TFCP2L1: variants seen among roughly 807,000 people sequenced by gnomAD.
TFCP2L1 encodes transcription factor CP2-like protein 1.
A neutral mutation model predicts 72.2 loss-of-function variants in TFCP2L1; 12 were observed. The ratio of observed to expected loss-of-function variants is 0.17; its 90% CI spans 0.11 to 0.27. The LOEUF (loss-of-function observed/expected upper bound fraction) is 0.27. TFCP2L1 is among the 10% of genes least tolerant of loss of function. The pLI is 1.00. For synonymous variants in TFCP2L1, 260 were observed against 251.0 expected, an observed-to-expected ratio of 1.04 and a Z score of -0.34; for missense variants, 488 against 624.6, an observed-to-expected ratio of 0.78 and a Z score of 2.33.
In TFCP2L1 at chr2:121,256,671, G is replaced by A. The variant is rs570140782; in HGVS notation, c.215-7024C>T. ...GGGCGCCTGTAGTCCCAGGTACTCG[G>A]GAAGCTGAGGCAGGAGAATTGCTTG... On this transcript the variant is annotated intron_variant, in intron 2 of 14. Coordinates refer to ENST00000263707, the MANE Select transcript of TFCP2L1 (RefSeq NM_014553.3). Among the ~76,000 whole-genome samples the A allele has an allele frequency of 1.1e-4, 17 of 152,120 alleles. No homozygotes were observed. In the South Asian group the frequency reaches 3.4e-3, roughly 30 times the overall value.
chr2:121,225,567 A>G lies in TFCP2L1; in HGVS notation c.1388T>C (p.Ile463Thr). ...QDESCFVLST[I>T]KAESNDGYHI... ...GGGGGAGGGGGAGGCTTCACCTTTAATTGTGCTGAGGACAAAACAGGATTC... is the reference window on the plus strand; with the variant it reads ...GGGGGAGGGGGAGGCTTCACCTTTAGTTGTGCTGAGGACAAAACAGGATTC... Residue 463 changes from isoleucine to threonine, a missense_variant, in exon 14 of 15, where the codon ATT becomes ACT. Around this residue, in one of 3 missense-constraint regions of TFCP2L1, gnomAD observed 286 missense variants for 329.0 expected, o/e 0.87. Coordinates refer to ENST00000263707, the MANE Select transcript of TFCP2L1 (RefSeq NM_014553.3). 1 of 1,614,100 alleles carries G rather than the reference A, an allele frequency of 6.2e-7. No homozygotes were observed. The highest frequency in any genetic ancestry group is 8.5e-7 in the Non-Finnish European group (1 of 1,180,010).
Position 121,264,024 on chromosome 2 carries a change from C to T in TFCP2L1, c.215-14377G>A, listed in dbSNP as rs940542630. On this transcript the variant is annotated intron_variant, in intron 2 of 14. Coordinates refer to ENST00000263707, the MANE Select transcript of TFCP2L1 (RefSeq NM_014553.3). ...ACAGTAAAGAGTAGAAAAACCAAATCTCCAAAGATAAGGGCAGAATCATGA... is the reference window on the plus strand; with the variant it reads ...ACAGTAAAGAGTAGAAAAACCAAATTTCCAAAGATAAGGGCAGAATCATGA... Among the ~76,000 whole-genome samples the T allele has an allele frequency of 8.7e-4, 133 of 152,328 alleles. 1 individual carries two copies. The highest frequency in any genetic ancestry group is 3.2e-3 in the African/African-American group (132 of 41,576).
At chr2:121,237,342 A>T (rs1261218924) in intron 10 of TFCP2L1, among the ~76,000 whole-genome samples, 4 of 152,170 alleles carry the variant, frequency 2.6e-5, no homozygotes, top group Non-Finnish European at 4.4e-5. Flanking sequence ...TCCTGGACAG[A>T]CCAGAGCCCA....
chr2:121,224,045 C>T lies in TFCP2L1; in HGVS notation c.*296G>A, dbSNP rs151093027. The T allele has an allele frequency of 5.9e-5, 27 of 459,456 alleles. No individual in the cohort carries two copies. Among genetic ancestry groups the T allele is most frequent in the South Asian group, 1.1e-4 (4 of 35,598 alleles). 28.5% of individuals were successfully genotyped at this position (459,456 alleles called of 1,614,324 possible). ...AAGGGATGAGGGATTTCAGAGCAGA[C>T]GTCTCCACTGTTTGCCCTTTTAGAA... On this transcript the variant is annotated 3_prime_UTR_variant, in exon 15 of 15. Coordinates refer to ENST00000263707, the MANE Select transcript of TFCP2L1 (RefSeq NM_014553.3).
At chr2:121,282,106 T>G (rs905739953) in intron 1 of TFCP2L1, among the ~76,000 whole-genome samples, 54 of 152,112 alleles carry the variant, frequency 3.6e-4, no homozygotes, top group African/African-American at 1.3e-3. Flanking sequence ...CTAATTTTTG[T>G]ATTTTTAGTA....
At chr2:121,261,879 C>A (rs1686834696) in intron 2 of TFCP2L1, among the ~76,000 whole-genome samples, 1 of 152,158 alleles carries the variant, frequency 6.6e-6, no homozygotes, top group Admixed American at 6.5e-5. Flanking sequence ...ACAGCACCAG[C>A]AAAAGACGTA....
intron 2 of TFCP2L1, among the ~76,000 whole-genome samples, chr2:121,278,600 C>T (rs187487878): frequency 7.3e-4 from 111 of 151,026 alleles, no homozygotes; most frequent in African/African-American, 2.6e-3. Flanking sequence ...GCAGGACAAT[C>T]GCTTGAACCC....
In TFCP2L1 at chr2:121,252,715, T is replaced by G. The variant is rs1008950120; in HGVS notation, c.215-3068A>C. Among the ~76,000 whole-genome samples the G allele has an allele frequency of 4.6e-5, 7 of 152,172 alleles. No homozygotes were observed. In the East Asian group the frequency reaches 1.2e-3, roughly 25 times the overall value. The stretch of plus-strand genomic sequence containing the variant: ...CCAAGATCCCCCAGGAGCATAACCC[T>G]GCCGAATTTCCGACTGCTAATCTCC... On this transcript the variant is annotated intron_variant, in intron 2 of 14. Coordinates refer to ENST00000263707, the MANE Select transcript of TFCP2L1 (RefSeq NM_014553.3).
intron 6 of TFCP2L1, among the ~76,000 whole-genome samples, chr2:121,244,466 C>T (rs567051864): frequency 1.5e-4 from 23 of 152,152 alleles, no homozygotes; most frequent in Non-Finnish European, 3.1e-4. Flanking sequence ...TCTGAGGAGC[C>T]AGTTTTGGGT....
rs576969223 is a variant in TFCP2L1 at position 121,226,876 on chromosome 2, A to T, written c.1342-1263T>A. Among the ~76,000 whole-genome samples the T allele has an allele frequency of 5.9e-5, 9 of 152,320 alleles. No homozygotes were observed. The South Asian group carries it at 1.9e-3, about 32-fold the overall frequency. On this transcript the variant is annotated intron_variant, in intron 13 of 14. Coordinates refer to ENST00000263707, the MANE Select transcript of TFCP2L1 (RefSeq NM_014553.3). ...ATTTCCAACAAGGAAATTTTCCTAC[A>T]TTCTCCTACAAGTCATGAGCCCTGG...
intron 2 of TFCP2L1, among the ~76,000 whole-genome samples, chr2:121,271,979 C>G (rs115784175): frequency 6.6e-6 from 1 of 152,122 alleles, no homozygotes; most frequent in Non-Finnish European, 1.5e-5. Flanking sequence ...TTCCTTCCCC[C>G]CACAAAGCTT....
intron 2 of TFCP2L1, among the ~76,000 whole-genome samples, chr2:121,260,472 C>T (rs1686810256): frequency 6.6e-6 from 1 of 152,212 alleles, no homozygotes; most frequent in African/African-American, 2.4e-5. Context: ...AGCCAAATAA[C>T]AGGTATCGTA....
At chr2:121,270,430 C>G (rs559935979) in intron 2 of TFCP2L1, among the ~76,000 whole-genome samples, 19 of 152,326 alleles carry the variant, frequency 1.2e-4, no homozygotes, top group African/African-American at 4.6e-4. Context: ...CCGGCAGTAC[C>G]TACCAAAATG....
intron 12 of TFCP2L1, among the ~76,000 whole-genome samples, chr2:121,233,758 G>C (rs1199796332): frequency 6.6e-6 from 1 of 152,202 alleles, no homozygotes; most frequent in African/African-American, 2.4e-5. Flanking sequence ...GCTGCATCAG[G>C]AGCAGTTTGA....
intron 10 of TFCP2L1, among the ~76,000 whole-genome samples, chr2:121,235,921 C>A (rs1686240038): frequency 6.6e-6 from 1 of 152,046 alleles, no homozygotes; most frequent in African/African-American, 2.4e-5. Context: ...AGCCACCACC[C>A]CTACTCCCAC....
chr2:121,279,992 G>A (rs568485588), intron 2 of TFCP2L1, among the ~76,000 whole-genome samples: 1 of 152,174 alleles, frequency 6.6e-6, no homozygotes, highest in African/African-American at 2.4e-5. Context: ...AGACGACCCA[G>A]AAGAAAGTGC....
At position 121,234,025 on chromosome 2, in the gene TFCP2L1, T is replaced by C. The variant is rs1054838526; in HGVS notation, c.1198+66A>G. 4.3e-6 allele frequency: 6 copies of C among 1,399,428 alleles called. No homozygotes were observed. In the Admixed American group the frequency reaches 8.4e-5, roughly 20 times the overall value. The allele number at this position is 1,399,428 out of a possible 1,614,324, so 86.7% of individuals were successfully genotyped here. A position where few individuals can be genotyped will look rare whatever the true frequency, so the allele number is the denominator to read the frequency against. ...CACTGGAAATGAACAGAGGCCAGAC[T>C]GCGGGCTTGAAAGCCAGGCTGCGGG... On this transcript the variant is annotated intron_variant, in intron 12 of 14. Transcript: ENST00000263707.
chr2:121,268,903 TCAG>T (rs946336224), intron 2 of TFCP2L1, among the ~76,000 whole-genome samples: 5 of 151,440 alleles, frequency 3.3e-5, no homozygotes, highest in African/African-American at 9.7e-5. Flanking sequence ...GTTTCTACAT[TCAG>T]TCAGTTATTG....
At chr2:121,260,958 A>G (rs938859300) in intron 2 of TFCP2L1, among the ~76,000 whole-genome samples, 6 of 152,240 alleles carry the variant, frequency 3.9e-5, no homozygotes, top group African/African-American at 1.4e-4. Context: ...GGAGGCCATC[A>G]TTACCAGTGA....
Sources: gnomAD v4.1 joint callset for allele counts (sites outside exome capture counted in the v4.1 genomes callset) on GRCh38, gnomAD v4.1.1 for gene constraint, gnomAD v4.1.1 regional missense constraint, MANE v1.5 for transcripts, NCBI Gene and HGNC (gene_info 2026-07-23, HGNC 2026-07-21) for gene names.